Variants in KLRK1 observed in about 807,000 individuals in gnomAD.
KLRK1 encodes killer cell lectin like receptor K1.
In KLRK1, 40 loss-of-function variants were observed where a neutral mutation model predicts 31.3. The observed-to-expected ratio is 1.28, with a 90% CI of 0.99 to 1.67. The LOEUF is 1.67. KLRK1 is among the 40% of genes most tolerant of loss of function. The pLI is 0.00. For synonymous variants in KLRK1, 77 were observed against 77.3 expected (o/e 1.00, Z 0.02); for missense variants, 251 against 260.0 (o/e 0.97, Z 0.24).
chr12:10,387,133 C>T, intron 2 of KLRK1, 123 bp from the exon 3 acceptor site: 1 of 615,664 alleles, frequency 1.6e-6, no homozygotes, highest in Non-Finnish European at 2.7e-6. Context: ...TTTTAAAGTA[C>T]AACATGAACT....
At chr12:10,388,621 C>G in intron 2 of KLRK1, 150 bp downstream of exon 2, 1 of 894,280 alleles carries the variant, frequency 1.1e-6, no homozygotes, top group South Asian at 2.4e-5. Context: ...ATTTAAAATA[C>G]AATATGAACA....
chr12:10,387,057 AT>A, intron 2 of KLRK1, 47 bp from the exon 3 acceptor site: 1 of 1,472,952 alleles, frequency 6.8e-7, no homozygotes, highest in Non-Finnish European at 9.2e-7. Context: ...CCTTTCTGCC[AT>A]TTGGGGCATA....
chr12:10,378,785 T>C, intron 5 of KLRK1, 80 bp from the exon 6 acceptor site: 1 of 1,440,110 alleles, frequency 6.9e-7, no homozygotes, highest in African/African-American at 1.4e-5. Flanking sequence ...TAAATGCCTT[T>C]TTCACTCCAA....
chr12:10,386,303 A>C (rs1863167051), intron 3 of KLRK1, among the ~76,000 whole-genome samples: 1 of 152,106 alleles, frequency 6.6e-6, no homozygotes, highest in African/African-American at 2.4e-5. Context: ...ATTTTAGTCC[A>C]AAAAGGGATT....
intron 3 of KLRK1, among the ~76,000 whole-genome samples, chr12:10,385,647 A>C (rs1157048217): frequency 6.6e-6 from 1 of 152,022 alleles, no homozygotes. Context: ...TTGGTTAATG[A>C]ATACAAAATT....
intron 2 of KLRK1, among the ~76,000 whole-genome samples, chr12:10,388,380 T>C (rs2137822605): frequency 6.6e-6 from 1 of 152,294 alleles, no homozygotes. Context: ...AAATCTAAGA[T>C]AAATATGGAA....
intron 7 of KLRK1, among the ~76,000 whole-genome samples, chr12:10,375,626 G>A (rs918341019): frequency 1.1e-4 from 16 of 152,070 alleles, no homozygotes; most frequent in Non-Finnish European, 8.8e-5. Context: ...ACAATCTAGA[G>A]GACTTCTGCA....
intron 1 of KLRK1, among the ~76,000 whole-genome samples, chr12:10,389,297 T>C (rs931327386): frequency 6.6e-6 from 1 of 152,188 alleles, no homozygotes; most frequent in Non-Finnish European, 1.5e-5. Context: ...AGGTAAGTTA[T>C]ATGCACTTTT....
intron 2 of KLRK1, 56 bp from the exon 3 acceptor site, chr12:10,387,066 A>G (rs1863179312): frequency 7.0e-7 from 1 of 1,426,328 alleles, no homozygotes; most frequent in South Asian, 1.3e-5. Flanking sequence ...CATTTGGGGC[A>G]TAAATTTTAA....
chr12:10,379,901 C>T (rs994524059), intron 3 of KLRK1, 109 bp from the exon 4 acceptor site: 67 of 947,596 alleles, frequency 7.1e-5, no homozygotes, highest in Admixed American at 1.3e-4. Flanking sequence ...GGTATTGATC[C>T]TTTTTCTGCC....
At chr12:10,374,362 G>C (rs1361672337) in intron 7 of KLRK1, among the ~76,000 whole-genome samples, 1 of 148,194 alleles carries the variant, frequency 6.7e-6, no homozygotes, top group Non-Finnish European at 1.5e-5. Flanking sequence ...GTCTACATTA[G>C]AGTCTCGTTC....
chr12:10,373,285 T>A lies in KLRK1; in HGVS notation c.534-54A>T, dbSNP rs570602418. On this transcript the variant is annotated intron_variant, in intron 7 of 7. Transcript: ENST00000240618. ...ACATGATTTTATTAACGCGGGAAAATAAAAATGAATCATACCTATTGAACT... is the reference window on the plus strand; with the variant it reads ...ACATGATTTTATTAACGCGGGAAAAAAAAAATGAATCATACCTATTGAACT... The A allele has an allele frequency of 2.3e-4, 335 of 1,445,226 alleles. 4 individuals are homozygous for A. The South Asian group carries it at 3.9e-3, about 17-fold the overall frequency. The allele number at this position is 1,445,226 out of a possible 1,614,324, so 89.5% of individuals were successfully genotyped here. A position where few individuals can be genotyped will look rare whatever the true frequency, so the allele number is the denominator to read the frequency against.
In KLRK1 at chr12:10,386,956, G is replaced by A. The variant is rs754491286; in HGVS notation, c.95C>T (p.Thr32Ile). The A allele has an allele frequency of 2.0e-5, 33 of 1,611,318 alleles. No individual in the cohort carries two copies. The highest frequency in any genetic ancestry group is 2.5e-5 in the Non-Finnish European group (29 of 1,178,774). The change falls in exon 3 of 8, where the codon ACA (threonine) becomes ATA (isoleucine). Residue 32 changes from threonine to isoleucine, a missense_variant. By Grantham distance (89) the Thr-to-Ile change is moderately conservative. Coordinates refer to ENST00000240618, the MANE Select transcript of KLRK1 (RefSeq NM_007360.4). Reference sequence around the variant, plus strand: ...TGGACATCTTTGCTTTTGCCATCGTGTTGAAAAATCACTCTTCTTCAGATC... The same window carrying A: ...TGGACATCTTTGCTTTTGCCATCGTATTGAAAAATCACTCTTCTTCAGATC... ...NLDLKKSDFS[T>I]RWQKQRCPVV... is the part of the protein sequence containing the mutation.
intron 7 of KLRK1, among the ~76,000 whole-genome samples, 192 bp downstream of exon 7, chr12:10,377,940 T>C (rs1402794820): frequency 6.6e-6 from 1 of 152,248 alleles, no homozygotes; most frequent in Admixed American, 6.5e-5. Flanking sequence ...TTTGTATTAC[T>C]TACTAGTATT....
At chr12:10,379,240 A>G in intron 5 of KLRK1, 1 of 152,014 alleles carries the variant, frequency 6.6e-6, no homozygotes, top group South Asian at 2.3e-4. Context: ...AAAAAGAGAG[A>G]GAGAGAGAGA....
chr12:10,375,950 A>C (rs778776112), intron 7 of KLRK1, among the ~76,000 whole-genome samples: 2 of 152,236 alleles, frequency 1.3e-5, no homozygotes, highest in African/African-American at 2.4e-5. Flanking sequence ...GAATCCAGAA[A>C]GACCAAGCTG....
At chr12:10,383,258 AC>A (rs1863109563) in intron 3 of KLRK1, among the ~76,000 whole-genome samples, 1 of 152,072 alleles carries the variant, frequency 6.6e-6, no homozygotes, top group African/African-American at 2.4e-5. Context: ...CCTACAAGAA[AC>A]CCACTTTGCT....
intron 7 of KLRK1, 43 bp from the exon 8 acceptor site, chr12:10,373,274 A>G (rs1325561752): frequency 2.0e-6 from 3 of 1,489,236 alleles, no homozygotes; most frequent in Non-Finnish European, 2.7e-6. Context: ...GATTTTATTA[A>G]CGCGGGAAAA....
At chr12:10,383,144 T>G (rs1242161899) in intron 3 of KLRK1, among the ~76,000 whole-genome samples, 1 of 152,062 alleles carries the variant, frequency 6.6e-6, no homozygotes, top group Non-Finnish European at 1.5e-5. Flanking sequence ...AGTAAGTTCT[T>G]ACATACCAAT....
Sources: gnomAD v4.1 joint callset for allele counts (sites outside exome capture counted in the v4.1 genomes callset) on GRCh38, gnomAD v4.1.1 for gene constraint, MANE v1.5 for transcripts, NCBI Gene and HGNC (gene_info 2026-07-23, HGNC 2026-07-21) for gene names.